The following PARD3B variants were observed in gnomAD, a reference collection of about 807,000 sequenced individuals.
The protein encoded by PARD3B is par-3 family cell polarity regulator beta.
PARD3B carries 103 observed loss-of-function variants against 130.2 expected under a neutral mutation model. The observed-to-expected ratio is 0.79, with a 90% CI of 0.67 to 0.93. The LOEUF (loss-of-function observed/expected upper bound fraction) is 0.93, where lower values mean the gene tolerates loss of function less well. Ranked by LOEUF, PARD3B falls within the 40% of genes least tolerant of loss-of-function variation. The probability of loss-of-function intolerance (pLI) is 0.00; values close to 1 mark genes in which losing one functional copy is unlikely to be tolerated. For missense variants in PARD3B, 1,609 were observed against 1,499.2 expected, an observed-to-expected ratio of 1.07 and a Z score of -1.21; for synonymous variants, 583 against 553.2, an observed-to-expected ratio of 1.05 and a Z score of -0.76.
At chr2:205,363,468 A>G (rs189168186) in intron 18 of PARD3B, among the ~76,000 whole-genome samples, 3 of 152,348 alleles carry the variant, frequency 2.0e-5, no homozygotes, top group East Asian at 3.9e-4. Context: ...CATTTAGTAT[A>G]GTGCCCAGCA....
chr2:205,600,178 G>A (rs1381226517), intron 22 of PARD3B, among the ~76,000 whole-genome samples: 1 of 152,236 alleles, frequency 6.6e-6, no homozygotes, highest in Non-Finnish European at 1.5e-5. Flanking sequence ...CAGCATGAAA[G>A]TGGACAGCCA....
chr2:205,299,690 T>A (rs2105899665), intron 16 of PARD3B, among the ~76,000 whole-genome samples: 1 of 151,982 alleles, frequency 6.6e-6, no homozygotes, highest in East Asian at 1.9e-4. Flanking sequence ...AGGGGGCAGG[T>A]AGAGGGCAAG....
chr2:205,541,435 A>G (rs1459768191), intron 21 of PARD3B, among the ~76,000 whole-genome samples: 1 of 145,946 alleles, frequency 6.9e-6, no homozygotes, highest in Non-Finnish European at 1.5e-5. Context: ...TAAAACCTCT[A>G]CCTCCTGGCT....
intron 1 of PARD3B, among the ~76,000 whole-genome samples, chr2:204,617,761 T>G (rs148394817): frequency 0.022 from 3,327 of 152,292 alleles, 109 homozygotes; most frequent in African/African-American, 0.076. Context: ...GTGTACTCAA[T>G]GTTCAGCTTC....
intron 4 of PARD3B, among the ~76,000 whole-genome samples, chr2:205,060,051 G>A (rs1371650352): frequency 6.6e-6 from 1 of 152,038 alleles, no homozygotes; most frequent in African/African-American, 2.4e-5. Flanking sequence ...CTAACAAGTA[G>A]CAGTGCTAGG....
At chr2:204,978,930 C>T (rs1420771182) in intron 3 of PARD3B, among the ~76,000 whole-genome samples, 1 of 141,538 alleles carries the variant, frequency 7.1e-6, no homozygotes, top group Non-Finnish European at 1.5e-5. Flanking sequence ...CACCACTGCA[C>T]TCCAGCCTGG....
chr2:204,718,845 C>T (rs1183096731), intron 2 of PARD3B, among the ~76,000 whole-genome samples: 1 of 152,158 alleles, frequency 6.6e-6, no homozygotes, highest in Non-Finnish European at 1.5e-5. Context: ...AGGCCAGTCA[C>T]ATGACATGTA....
intron 18 of PARD3B, among the ~76,000 whole-genome samples, chr2:205,310,822 C>G (rs2042360444): frequency 7.2e-6 from 1 of 138,620 alleles, no homozygotes; most frequent in Admixed American, 8.2e-5. Flanking sequence ...CTCCCGGGTT[C>G]AAGTGATTCT....
At chr2:205,415,182 A>G (rs1295073280) in intron 19 of PARD3B, among the ~76,000 whole-genome samples, 2 of 152,192 alleles carry the variant, frequency 1.3e-5, no homozygotes. Context: ...CTTCAATATT[A>G]TAGTTCACTG....
intron 15 of PARD3B, among the ~76,000 whole-genome samples, chr2:205,243,427 GA>G (rs1345205220): frequency 6.6e-6 from 1 of 152,128 alleles, no homozygotes; most frequent in East Asian, 1.9e-4. Flanking sequence ...AAGTTAAAAT[GA>G]TTTGCACAAA....
At chr2:205,045,404 T>C (rs1698704470) in intron 3 of PARD3B, among the ~76,000 whole-genome samples, 1 of 151,820 alleles carries the variant, frequency 6.6e-6, no homozygotes. Flanking sequence ...CGTACCACCA[T>C]GCCTGGCTAA....
intron 1 of PARD3B, among the ~76,000 whole-genome samples, chr2:204,588,476 T>C (rs1438440219): frequency 6.6e-6 from 1 of 152,104 alleles, no homozygotes; most frequent in South Asian, 2.1e-4. Flanking sequence ...CAGAAACTAT[T>C]CCCCCCACTT....
chr2:205,579,879 T>C (rs2053901897), intron 22 of PARD3B, among the ~76,000 whole-genome samples: 1 of 152,214 alleles, frequency 6.6e-6, no homozygotes, highest in African/African-American at 2.4e-5. Flanking sequence ...TATTGCCTTA[T>C]ATAGCAGTTT....
rs141931478 is a variant in PARD3B at position 205,158,713 on chromosome 2, C to A, written c.1435-9C>A. The A allele has an allele frequency of 7.8e-3, 12,452 of 1,605,052 alleles. 71 individuals carry two copies. The highest frequency in any genetic ancestry group is 8.7e-3 in the Non-Finnish European group (10,240 of 1,175,210). On this transcript the variant is annotated splice_polypyrimidine_tract_variant and intron_variant, in intron 10 of 22. Transcript: ENST00000406610. This position sits in a 1 kb window ranked among gnomAD's most constrained non-coding sequence, Gnocchi z 5.4. The stretch of plus-strand genomic sequence containing the variant: ...CTCTTCACTCTTTTCATGTGTATTC[C>A]CCTAACAGAAAGGAGAACCTGACTG...
intron 3 of PARD3B, among the ~76,000 whole-genome samples, chr2:205,042,264 T>G (rs752524491): frequency 2.6e-5 from 4 of 152,162 alleles, no homozygotes; most frequent in African/African-American, 7.2e-5. Context: ...TACTGGAGAA[T>G]TAGAAGATGC....
At chr2:205,231,201 G>A (rs887849851) in intron 15 of PARD3B, among the ~76,000 whole-genome samples, 13 of 152,190 alleles carry the variant, frequency 8.5e-5, no homozygotes, top group African/African-American at 3.1e-4. Flanking sequence ...ATCAGTGGAA[G>A]CTTCTATTTG....
Position 204,677,243 on chromosome 2 carries a change from A to G in PARD3B, c.121-8938A>G, listed in dbSNP as rs1212972135. ...AATCCAGATACTTCCTCTGGTGCTCAACTGAAAAGACAATGAATACTCCAA... is the reference window on the plus strand; with the variant it reads ...AATCCAGATACTTCCTCTGGTGCTCGACTGAAAAGACAATGAATACTCCAA... On this transcript the variant is annotated intron_variant, in intron 1 of 22. Transcript: ENST00000406610. The surrounding 1 kb of genome is among the most constrained non-coding windows in gnomAD (Gnocchi z 4.1). Among the ~76,000 whole-genome samples the G allele has an allele frequency of 6.6e-6, 1 of 152,200 alleles. No homozygotes were observed. The highest frequency in any genetic ancestry group is 2.4e-5 in the African/African-American group (1 of 41,452).
chr2:204,710,200 A>G (rs962865585), intron 2 of PARD3B, among the ~76,000 whole-genome samples: 2 of 152,210 alleles, frequency 1.3e-5, no homozygotes, highest in Non-Finnish European at 2.9e-5. Context: ...TTGGGAAGAC[A>G]TTGTCCTGCT....
chr2:205,184,658 C>T (rs1171051981), intron 13 of PARD3B, among the ~76,000 whole-genome samples: 5 of 152,048 alleles, frequency 3.3e-5, no homozygotes, highest in African/African-American at 9.6e-5. Context: ...AGGAGAATGG[C>T]GTGAACCCAG....
Sources: gnomAD v4.1 joint callset for allele counts (sites outside exome capture counted in the v4.1 genomes callset) on GRCh38, gnomAD v4.1.1 for gene constraint, Gnocchi (gnomAD v3.1) non-coding constraint, MANE v1.5 for transcripts, NCBI Gene and HGNC (gene_info 2026-07-23, HGNC 2026-07-21) for gene names.